BIRC6: variants seen among roughly 807,000 people sequenced by gnomAD.
BIRC6 encodes the protein dual E2 ubiquitin-conjugating enzyme/E3 ubiquitin-protein ligase BIRC6.
Under a neutral mutation model 503.3 loss-of-function variants are expected in BIRC6, and 98 were observed. That is an observed-to-expected ratio of 0.19 (90% CI 0.17 to 0.23). The LOEUF is 0.23. BIRC6 is among the 10% of genes least tolerant of loss of function. BIRC6 has a pLI of 1.00. For missense variants in BIRC6, 5,360 were observed against 5,806.0 expected, an observed-to-expected ratio of 0.92 and a Z score of 2.50; for synonymous variants, 2,240 against 2,078.7, an observed-to-expected ratio of 1.08 and a Z score of -2.11.
At chr2:32,456,026 C>T (rs1057231566) in intron 23 of BIRC6, among the ~76,000 whole-genome samples, 8 of 152,216 alleles carry the variant, frequency 5.3e-5, no homozygotes, top group South Asian at 2.1e-4. Flanking sequence ...TTGCATAGCT[C>T]GGCAGTTTAT....
chr2:32,473,406 C>T (rs1005303335), intron 33 of BIRC6, among the ~76,000 whole-genome samples, 167 bp downstream of exon 33: 15 of 152,196 alleles, frequency 9.9e-5, no homozygotes, highest in African/African-American at 1.7e-4. Context: ...GTTAAAATGA[C>T]GACAATGTAT....
At chr2:32,560,624 G>A (rs929329962) in intron 65 of BIRC6, among the ~76,000 whole-genome samples, 3 of 151,720 alleles carry the variant, frequency 2.0e-5, no homozygotes, top group Admixed American at 1.3e-4. Context: ...TCTGCCACCC[G>A]GGCTGGAGTG....
chr2:32,515,613 T>G lies in BIRC6; in HGVS notation c.11192T>G (p.Leu3731Ter), dbSNP rs371074328. The G allele has an allele frequency of 6.2e-7, 1 of 1,613,644 alleles. No individual in the cohort carries two copies. Among genetic ancestry groups the G allele is most frequent in the Non-Finnish European group, 8.5e-7 (1 of 1,179,882 alleles). The change falls in exon 55 of 74, where the codon TTA becomes TGA. Residue 3731 changes from leucine (L) to a stop codon, truncating the protein, a stop_gained. Coordinates refer to ENST00000421745, the MANE Select transcript of BIRC6 (RefSeq NM_016252.4). LOFTEE classifies it high-confidence loss of function. ...HSGSTSGSHNLGAQQTSARSA... is the reference protein window; with the variant it reads ...HSGSTSGSHN ...GGGTCCACTTCTGGAAGCCATAATTTAGGTGCACAACAGACCAGTGCAAGA... is the reference window on the plus strand; with the variant it reads ...GGGTCCACTTCTGGAAGCCATAATTGAGGTGCACAACAGACCAGTGCAAGA...
Position 32,567,623 on chromosome 2 carries a change from C to G in BIRC6, c.13145-7533C>G, listed in dbSNP as rs747097451. On this transcript the variant is annotated intron_variant, in intron 65 of 73. Coordinates refer to ENST00000421745, the MANE Select transcript of BIRC6 (RefSeq NM_016252.4). The stretch of plus-strand genomic sequence containing the variant: ...GGAAAAGCACTAAAGCTAAATGTAC[C>G]AAGTTTTCACTGTTGGTCTTCTTAC... Among the ~76,000 whole-genome samples the G allele has an allele frequency of 9.9e-5, 15 of 152,260 alleles. No individual in the cohort carries two copies. In the South Asian group the frequency reaches 2.9e-3, roughly 29 times the overall value.
At chr2:32,471,452 C>T (rs1030719866) in intron 32 of BIRC6, among the ~76,000 whole-genome samples, 1 of 152,154 alleles carries the variant, frequency 6.6e-6, no homozygotes. Flanking sequence ...AAAGGGAAAT[C>T]AGAGTTTTTA....
chr2:32,612,814 A>G lies in BIRC6; in HGVS notation c.14394+1232A>G, dbSNP rs144923338. Among the ~76,000 whole-genome samples the G allele has an allele frequency of 7.0e-3, 1,061 of 152,330 alleles. 4 individuals are homozygous for G. Among genetic ancestry groups the G allele is most frequent in the Non-Finnish European group, 0.012 (792 of 68,034 alleles). ...ATGTTTGAATTTTTTCACTATAAAA[A>G]TGTTTTGAAAAAGAGAGAAAAACAC... On this transcript the variant is annotated intron_variant, in intron 73 of 73. Transcript: ENST00000421745.
At chr2:32,575,005 C>CA in intron 65 of BIRC6, 151 bp from the exon 66 acceptor site, 1 of 769,154 alleles carries the variant, frequency 1.3e-6, no homozygotes, top group Non-Finnish European at 2.1e-6. Flanking sequence ...GCCTCGGCCT[C>CA]ACAAAGTACT....
chr2:32,490,015 A>G (rs1299590716), intron 42 of BIRC6, 26 bp from the exon 43 acceptor site: 2 of 1,465,934 alleles, frequency 1.4e-6, no homozygotes, highest in Admixed American at 1.8e-5. Context: ...TCTGAAAAAT[A>G]TTTTCCCTTT....
chr2:32,617,972 A>G lies in BIRC6; in HGVS notation c.*68A>G. 2.1e-6 allele frequency: 3 copies of G among 1,428,244 alleles called. No individual in the cohort carries two copies. The highest frequency in any genetic ancestry group is 1.3e-5 in the South Asian group (1 of 74,958). 88.5% of individuals were successfully genotyped at this position (1,428,244 alleles called of 1,614,324 possible). On this transcript the variant is annotated 3_prime_UTR_variant, in exon 74 of 74. Coordinates refer to ENST00000421745, the MANE Select transcript of BIRC6 (RefSeq NM_016252.4). Reference sequence around the variant, plus strand: ...ACAAGCCAAATATGTCAATATTTGTATGTAAGAAACTAATTATGTAATAGG... The same window carrying G: ...ACAAGCCAAATATGTCAATATTTGTGTGTAAGAAACTAATTATGTAATAGG...
chr2:32,595,091 T>C lies in BIRC6; in HGVS notation c.13559T>C (p.Val4520Ala). The change falls in exon 68 of 74, where the codon GTA (valine) becomes GCA (alanine). Residue 4520 changes from valine (V) to alanine (A), a missense_variant. Transcript: ENST00000421745. ...GCTATGAAACCCAAACCTTTGTCAGTATTAAAGTCACTTGAAGAAAAATAT... is the reference window on the plus strand; with the variant it reads ...GCTATGAAACCCAAACCTTTGTCAGCATTAAAGTCACTTGAAGAAAAATAT... ...KAAMKPKPLS[V>A]LKSLEEKYVA... 6.2e-7 allele frequency: 1 copy of C among 1,601,586 alleles called. No individual in the cohort carries two copies. The highest frequency in any genetic ancestry group is 8.5e-7 in the Non-Finnish European group (1 of 1,177,100).
At position 32,377,709 on chromosome 2, in the gene BIRC6, T is replaced by C; in HGVS notation, c.447T>C (p.Ala149=). ...ATGGAATCTTGTTGTTAGACACTGCTCTGCAAACTCCAGTTTCAAAGCAGG... is the reference window on the plus strand; with the variant it reads ...ATGGAATCTTGTTGTTAGACACTGCCCTGCAAACTCCAGTTTCAAAGCAGG... ...DLNGILLLDT[A]LQTPVSKQDD... The change falls in exon 2 of 74, where the codon GCT becomes GCC. Residue 149 remains alanine (A), a synonymous_variant. Transcript: ENST00000421745. 3 of 1,613,814 alleles carry C rather than the reference T, an allele frequency of 1.9e-6. No homozygotes were observed. Among genetic ancestry groups the C allele is most frequent in the Non-Finnish European group, 2.5e-6 (3 of 1,179,796 alleles).
At chr2:32,526,410 A>T (rs1434747909) in intron 59 of BIRC6, 2 of 152,208 alleles carry the variant, frequency 1.3e-5, no homozygotes, top group Non-Finnish European at 2.9e-5. Context: ...TTGGAAATTT[A>T]AAAAAGGCCC....
intron 47 of BIRC6, 23 bp from the exon 48 acceptor site, chr2:32,502,769 CATA>C: frequency 1.3e-6 from 2 of 1,530,914 alleles, no homozygotes; most frequent in Non-Finnish European, 1.8e-6. Context: ...TATATAAAGT[CATA>C]ATATGCATAT....
At chr2:32,382,059 G>A (rs1344149379) in intron 3 of BIRC6, among the ~76,000 whole-genome samples, 1 of 152,170 alleles carries the variant, frequency 6.6e-6, no homozygotes, top group Non-Finnish European at 1.5e-5. Flanking sequence ...ATTAACTGGT[G>A]TTTGAAAACT....
rs551799404 is a variant in BIRC6 at position 32,389,377 on chromosome 2, G to GAA, written c.839+446_839+447dup. ...AAGGAAAGTGCTATCATTTTATAAT[G>GAA]AAAAAAAAAAAAAGACCAGTTTAAA... is the stretch of plus-strand genomic sequence containing the variant. On this transcript the variant is annotated intron_variant, in intron 4 of 73. Transcript: ENST00000421745. Among the ~76,000 whole-genome samples the GAA allele has an allele frequency of 9.7e-3, 1,282 of 131,874 alleles. 15 individuals carry two copies. Among genetic ancestry groups the GAA allele is most frequent in the African/African-American group, 0.034 (1,219 of 35,850 alleles). 86.5% of individuals were successfully genotyped at this position (131,874 alleles called of 152,430 possible). A position where few individuals can be genotyped will look rare whatever the true frequency, so the allele number is the denominator to read the frequency against.
intron 71 of BIRC6, among the ~76,000 whole-genome samples, chr2:32,603,646 C>A (rs1003136637): frequency 1.3e-5 from 2 of 152,066 alleles, no homozygotes; most frequent in Admixed American, 6.6e-5. Context: ...ATCGCTGGAA[C>A]CCCGGAGGAG....
chr2:32,605,311 G>A (rs1647641314), intron 71 of BIRC6, among the ~76,000 whole-genome samples: 2 of 152,068 alleles, frequency 1.3e-5, no homozygotes, highest in African/African-American at 4.8e-5. Flanking sequence ...AATACGCCGT[G>A]AATCTAAAGT....
intron 52 of BIRC6, among the ~76,000 whole-genome samples, chr2:32,510,202 C>A (rs1186969697): frequency 6.6e-6 from 1 of 152,172 alleles, no homozygotes; most frequent in Non-Finnish European, 1.5e-5. Flanking sequence ...CCTCCACCTC[C>A]CTAGTAGCTG....
At chr2:32,581,460 A>G (rs531735928) in intron 66 of BIRC6, among the ~76,000 whole-genome samples, 91 of 152,330 alleles carry the variant, frequency 6.0e-4, no homozygotes, top group African/African-American at 2.0e-3. Flanking sequence ...CACCTATGCT[A>G]CTGTTTACTT....
Sources: allele counts gnomAD v4.1 joint callset (sites outside exome capture counted in the v4.1 genomes callset), GRCh38; gene constraint gnomAD v4.1.1; transcripts MANE v1.5; gene names NCBI Gene and HGNC (gene_info 2026-07-23, HGNC 2026-07-21).